KDM4B: variants seen among roughly 807,000 people sequenced by gnomAD.
KDM4B encodes lysine-specific demethylase 4B.
A neutral mutation model predicts 125.2 loss-of-function variants in KDM4B; 32 were observed. The ratio of observed to expected loss-of-function variants is 0.26; its 90% CI spans 0.19 to 0.34. KDM4B has a LOEUF of 0.34. Among genes scored for constraint, KDM4B ranks in the 10% least tolerant of loss-of-function variants. The pLI is 1.00. For missense variants in KDM4B, 1,190 were observed against 1,577.7 expected, an observed-to-expected ratio of 0.75 and a Z score of 4.16; for synonymous variants, 721 against 677.9, an observed-to-expected ratio of 1.06 and a Z score of -0.99.
chr19:5,017,382 A>C (rs1435249442), intron 2 of KDM4B, among the ~76,000 whole-genome samples: 1 of 152,192 alleles, frequency 6.6e-6, no homozygotes, highest in Non-Finnish European at 1.5e-5. Context: ...CATTTGCCTG[A>C]GCATTGTCCC....
intron 6 of KDM4B, among the ~76,000 whole-genome samples, chr19:5,054,548 C>T (rs558728149): frequency 3.9e-5 from 6 of 152,280 alleles, no homozygotes; most frequent in Admixed American, 2.6e-4. Flanking sequence ...CAAGGGTCTC[C>T]AGTCACATAG....
intron 9 of KDM4B, among the ~76,000 whole-genome samples, chr19:5,092,050 T>A (rs887942422): frequency 6.6e-6 from 1 of 152,172 alleles, no homozygotes; most frequent in Non-Finnish European, 1.5e-5. Flanking sequence ...GTGGGGAGAA[T>A]CTGCAGCTAA....
At chr19:5,025,269 C>A (rs1386238249) in intron 2 of KDM4B, among the ~76,000 whole-genome samples, 2 of 152,230 alleles carry the variant, frequency 1.3e-5, no homozygotes, top group African/African-American at 4.8e-5. Flanking sequence ...ATCGCTAAGC[C>A]CAGGAGTTTG....
At chr19:5,108,067 C>T (rs2039069294) in intron 9 of KDM4B, among the ~76,000 whole-genome samples, 1 of 152,262 alleles carries the variant, frequency 6.6e-6, no homozygotes, top group African/African-American at 2.4e-5. Context: ...CCGTGCCAGC[C>T]CCAGCCGGGC....
At chr19:5,022,616 A>G (rs1208604422) in intron 2 of KDM4B, among the ~76,000 whole-genome samples, 1 of 152,050 alleles carries the variant, frequency 6.6e-6, no homozygotes, top group Non-Finnish European at 1.5e-5. Context: ...ACCCCCACGG[A>G]TGGTCCCGGG....
At chr19:5,113,882 A>G in intron 10 of KDM4B, 1 of 985,310 alleles carries the variant, frequency 1.0e-6, no homozygotes. Context: ...TCATGTGTTT[A>G]CCAGGTGCCC....
At chr19:5,026,269 A>G (rs1270637533) in intron 2 of KDM4B, among the ~76,000 whole-genome samples, 1 of 139,022 alleles carries the variant, frequency 7.2e-6, no homozygotes, top group Non-Finnish European at 1.5e-5. Flanking sequence ...TGCAGACCCT[A>G]TGTGTGCGGC....
Position 5,137,260 on chromosome 19 carries a change from A to T in KDM4B, c.2309-2A>T. 1 of 1,567,770 alleles carries T rather than the reference A, an allele frequency of 6.4e-7. No individual in the cohort carries two copies. Among genetic ancestry groups the T allele is most frequent in the Admixed American group, 1.9e-5 (1 of 53,170 alleles). On this transcript the variant is annotated splice_acceptor_variant, in intron 15 of 22. Transcript: ENST00000159111. LOFTEE classifies it high-confidence loss of function. ...TCTCAGCCAGCCCCCGCTGTCTTCC[A>T]GGTTGCTATGGCATCCGTCCCGAGC...
At chr19:4,986,956 A>AT (rs1361705454) in intron 1 of KDM4B, among the ~76,000 whole-genome samples, 3 of 150,928 alleles carry the variant, frequency 2.0e-5, no homozygotes, top group Non-Finnish European at 4.4e-5. Flanking sequence ...TTTTTATTTT[A>AT]TTTTATTTTT....
chr19:5,047,399 G>A, intron 5 of KDM4B, 77 bp from the exon 6 acceptor site: 1 of 1,388,366 alleles, frequency 7.2e-7, no homozygotes, highest in Non-Finnish European at 9.8e-7. Flanking sequence ...ACTCTGGGGA[G>A]AATTAGCCTG....
intron 2 of KDM4B, among the ~76,000 whole-genome samples, chr19:5,028,218 C>T (rs1599448951): frequency 6.6e-6 from 1 of 152,270 alleles, no homozygotes; most frequent in South Asian, 2.1e-4. Context: ...CTAGAGCACC[C>T]CTCCCGCCTC....
Position 5,047,580 on chromosome 19 carries a change from C to G in KDM4B, c.537C>G (p.Phe179Leu). Residue 179 changes from phenylalanine (F) to leucine (L), a missense_variant, in exon 6 of 23, where the codon TTC (phenylalanine) becomes TTG (leucine). Physicochemically the swap from Phe to Leu is conservative, Grantham distance 22 (BLOSUM62 0). Around this residue, in one of 7 missense-constraint regions of KDM4B, gnomAD observed 75 missense variants for 218.2 expected, o/e 0.34. Transcript: ENST00000159111. ...IEGVNTPYLY[F>L]GMWKTTFAWH... ...GCGTGAACACGCCCTACCTGTACTT[C>G]GGCATGTGGAAGACCACCTTCGCCT... 1 of 1,614,022 alleles carries G rather than the reference C, an allele frequency of 6.2e-7. No individual in the cohort carries two copies. The highest frequency in any genetic ancestry group is 8.5e-7 in the Non-Finnish European group (1 of 1,179,924).
At chr19:5,138,143 C>G in intron 18 of KDM4B, 73 bp downstream of exon 18, 1 of 1,179,598 alleles carries the variant, frequency 8.5e-7, no homozygotes, top group Non-Finnish European at 1.2e-6. Flanking sequence ...TCCCCACCTG[C>G]GCGATCTGAA....
At chr19:5,030,718 A>G (rs1394927175) in intron 2 of KDM4B, among the ~76,000 whole-genome samples, 1 of 152,222 alleles carries the variant, frequency 6.6e-6, no homozygotes, top group South Asian at 2.1e-4. Flanking sequence ...CGTGTGGCCT[A>G]GGCCCACAAC....
In KDM4B at chr19:4,997,398, C is replaced by T. The variant is rs1365882631; in HGVS notation, c.-108-18859C>T. On this transcript the variant is annotated intron_variant, in intron 1 of 22. Coordinates refer to ENST00000159111, the MANE Select transcript of KDM4B (RefSeq NM_015015.3). The surrounding 1 kb of genome is among the most constrained non-coding windows in gnomAD (Gnocchi z 4.2). Reference sequence around the variant, plus strand: ...GGCCCCTGGCTTCCACTGTGTCCTTCTGTGGTTCATGAGGACCTGCCATCT... The same window carrying T: ...GGCCCCTGGCTTCCACTGTGTCCTTTTGTGGTTCATGAGGACCTGCCATCT... Among the ~76,000 whole-genome samples the T allele has an allele frequency of 6.6e-6, 1 of 152,112 alleles. No homozygotes were observed. The highest frequency in any genetic ancestry group is 2.4e-5 in the African/African-American group (1 of 41,404).
chr19:5,137,873 C>T, intron 17 of KDM4B, 89 bp from the exon 18 acceptor site: 1 of 1,235,114 alleles, frequency 8.1e-7, no homozygotes, highest in South Asian at 1.4e-5. Flanking sequence ...AGGCCCTGAC[C>T]CAGCCGACAG....
chr19:5,082,609 GC>G lies in KDM4B; in HGVS notation c.918+108del. 1.5e-6 allele frequency: 2 copies of G among 1,296,484 alleles called. No homozygotes were observed. The highest frequency in any genetic ancestry group is 2.1e-6 in the Non-Finnish European group (2 of 960,314). The allele number at this position is 1,296,484 out of a possible 1,614,324, so 80.3% of individuals were successfully genotyped here. On this transcript the variant is annotated intron_variant, in intron 9 of 22. Coordinates refer to ENST00000159111, the MANE Select transcript of KDM4B (RefSeq NM_015015.3). The surrounding 1 kb of genome is among the most constrained non-coding windows in gnomAD (Gnocchi z 5.4). ...GCTGGTCCAGCAGCCGTTTCGCTCA[GC>G]CCAGGGCCTGGGCTCTCAACCAGGG...
intron 2 of KDM4B, among the ~76,000 whole-genome samples, chr19:5,021,851 G>A (rs2036131988): frequency 6.6e-6 from 1 of 152,068 alleles, no homozygotes; most frequent in African/African-American, 2.4e-5. Flanking sequence ...GGCCAGGATG[G>A]TCTTGATCTG....
intron 9 of KDM4B, among the ~76,000 whole-genome samples, chr19:5,086,807 T>C (rs1184146524): frequency 6.6e-6 from 1 of 152,234 alleles, no homozygotes. Context: ...CTGCCACAGA[T>C]GTGCTGCCAC....
Sources: gnomAD v4.1 joint callset for allele counts (sites outside exome capture counted in the v4.1 genomes callset) on GRCh38, gnomAD v4.1.1 for gene constraint, gnomAD v4.1.1 regional missense constraint, Gnocchi (gnomAD v3.1) non-coding constraint, MANE v1.5 for transcripts, NCBI Gene and HGNC (gene_info 2026-07-23, HGNC 2026-07-21) for gene names.